Variants in DKK4 observed in about 807,000 individuals in gnomAD.
DKK4 encodes dickkopf-related protein 4.
Under a neutral mutation model 14.5 loss-of-function variants are expected in DKK4, and 15 were observed. The observed-to-expected ratio is 1.03, with a 90% CI of 0.69 to 1.59. DKK4 has a LOEUF of 1.59. DKK4 is among the 40% of genes most tolerant of loss of function. The pLI is 0.00. For missense variants in DKK4, 272 were observed against 280.3 expected (o/e 0.97, Z 0.21); for synonymous variants, 89 against 105.2 (o/e 0.85, Z 0.94).
chr8:42,387,526 G>A, the DKK4 span, among the ~76,000 whole-genome samples: 2,277 of 151,672 alleles, frequency 0.015, 23 homozygotes, highest in Middle Eastern at 0.027. Flanking sequence ...CCCAGCTAAT[G>A]TTTTTGTATT....
chr8:42,381,736 G>A (rs559512433), upstream of DKK4, among the ~76,000 whole-genome samples: 14 of 152,272 alleles, frequency 9.2e-5, no homozygotes, highest in African/African-American at 2.9e-4. Context: ...GGTGGCTCAC[G>A]CCTGTAATCC....
chr8:42,384,741 C>T, the DKK4 span, among the ~76,000 whole-genome samples: 2 of 152,050 alleles, frequency 1.3e-5, no homozygotes, highest in African/African-American at 4.8e-5. Flanking sequence ...AGGCCCACAA[C>T]GAGGGGGCTG....
At chr8:42,381,179 C>T (rs983054407), upstream of DKK4, among the ~76,000 whole-genome samples, 3 of 151,522 alleles carry the variant, frequency 2.0e-5, no homozygotes, top group Admixed American at 6.6e-5. Context: ...CGAGCTGCAT[C>T]ACTGGATGTG....
At chr8:42,382,804 T>A in the DKK4 span, among the ~76,000 whole-genome samples, 1 of 152,146 alleles carries the variant, frequency 6.6e-6, no homozygotes, top group Non-Finnish European at 1.5e-5. Context: ...TTAGAGGAAA[T>A]GAAATTTCTC....
chr8:42,389,456 T>C, the DKK4 span, among the ~76,000 whole-genome samples: 4 of 152,238 alleles, frequency 2.6e-5, no homozygotes. Flanking sequence ...ACATTGACCA[T>C]ATTTGGCCTC....
chr8:42,390,587 T>G, the DKK4 span, among the ~76,000 whole-genome samples: 83 of 151,392 alleles, frequency 5.5e-4, no homozygotes, highest in African/African-American at 1.6e-3. Context: ...ATGGTCTCGA[T>G]CTCCTGACCT....
At chr8:42,388,270 C>T in the DKK4 span, among the ~76,000 whole-genome samples, 2 of 152,068 alleles carry the variant, frequency 1.3e-5, no homozygotes, top group Non-Finnish European at 1.5e-5. Flanking sequence ...CACTCTGTCG[C>T]CCAGGCTAGA....
At chr8:42,387,344 C>CTTTTTTTTT in the DKK4 span, among the ~76,000 whole-genome samples, 6 of 44,908 alleles carry the variant, frequency 1.3e-4, no homozygotes, top group Admixed American at 3.0e-4. Flanking sequence ...GAAGGCCAGT[C>CTTTTTTTTT]TTTTTTTTTT....
rs1824550252 is a variant in DKK4, at chr8:42,375,811, TCAGA to T, written c.127_130del (p.Ser43ThrfsTer43). The T allele has an allele frequency of 6.2e-7, 1 of 1,613,912 alleles. No homozygotes were observed. The highest frequency in any genetic ancestry group is 1.3e-5 in the African/African-American group (1 of 74,898). ...GAACTTTCTGGTATTGCAGTCCGTG[TCAGA>T]CAGGCACTGTGAGCCCTGTGGAGGG... On this transcript the variant is annotated frameshift_variant, in exon 2 of 4. Transcript: ENST00000220812. LOFTEE classifies it high-confidence loss of function.
At chr8:42,380,662 G>A (rs1824658926), upstream of DKK4, among the ~76,000 whole-genome samples, 1 of 139,352 alleles carries the variant, frequency 7.2e-6, no homozygotes, top group Non-Finnish European at 1.5e-5. Flanking sequence ...AAGGAAGGAA[G>A]AAAGGAAGAA....
chr8:42,374,855 T>A lies in DKK4; in HGVS notation c.321A>T (p.Gln107His). The A allele has an allele frequency of 1.2e-6, 2 of 1,614,236 alleles. No homozygotes were observed. The highest frequency in any genetic ancestry group is 2.7e-5 in the African/African-American group (2 of 75,052). ...TTGTTCCTTCTGCATGTGTGCCATCTTGCTCATCAAGCTGCCTTTCTAATA... is the reference window on the plus strand; with the variant it reads ...TTGTTCCTTCTGCATGTGTGCCATCATGCTCATCAAGCTGCCTTTCTAATA... Reference protein sequence around the residue: ...TPILERQLDEQDGTHAEGTTG... With the variant: ...TPILERQLDEHDGTHAEGTTG... The change falls in exon 3 of 4, where the codon CAA (glutamine) becomes CAT (histidine). Residue 107 changes from glutamine to histidine, a missense_variant. By Grantham distance (24) the Gln-to-His change is conservative. Coordinates refer to ENST00000220812, the MANE Select transcript of DKK4 (RefSeq NM_014420.3).
chr8:42,381,876 A>T (rs1824685868), upstream of DKK4, among the ~76,000 whole-genome samples: 1 of 152,198 alleles, frequency 6.6e-6, no homozygotes, highest in Admixed American at 6.5e-5. Context: ...ACACACCTGT[A>T]ATCCCAGTTA....
chr8:42,374,927 A>T lies in DKK4; in HGVS notation c.263-14T>A. On this transcript the variant is annotated splice_polypyrimidine_tract_variant and intron_variant, in intron 2 of 3. Transcript: ENST00000220812. ...TAGTACAAACATCTGAGGGACAACC[A>T]GGTGTAACTAGAATTATTAACTTCA... 1 of 1,614,014 alleles carries T rather than the reference A, an allele frequency of 6.2e-7. No homozygotes were observed. The highest frequency in any genetic ancestry group is 1.7e-5 in the Admixed American group (1 of 60,018).
rs189072394 is a variant in DKK4 at position 42,377,166 on chromosome 8, G to A, written c.-121C>T. 6 of 744,196 alleles carry A rather than the reference G, an allele frequency of 8.1e-6. No individual in the cohort carries two copies. The highest frequency in any genetic ancestry group is 1.3e-5 in the Non-Finnish European group (6 of 459,314). The allele number at this position is 744,196 out of a possible 1,614,324, so 46.1% of individuals were successfully genotyped here. ...CTCAGCACGTCGTCTGTTTGTCACT[G>A]CTTTTTCTGAAAGAAGTAAACCTTA... On this transcript the variant is annotated 5_prime_UTR_variant, in exon 1 of 4. Transcript: ENST00000220812.
chr8:42,375,800 T>C lies in DKK4; in HGVS notation c.142A>G (p.Asn48Asp), dbSNP rs925301479. Residue 48 changes from asparagine to aspartate, a missense_variant, in exon 2 of 4, where the codon AAT (asparagine) becomes GAT (aspartate). By Grantham distance (23) the Asn-to-Asp change is conservative. Coordinates refer to ENST00000220812, the MANE Select transcript of DKK4 (RefSeq NM_014420.3). ...GSQCLSDTDC[N>D]TRKFCLQPRD... Reference sequence around the variant, plus strand: ...GGCTGGAGGCAGAACTTTCTGGTATTGCAGTCCGTGTCAGACAGGCACTGT... The same window carrying C: ...GGCTGGAGGCAGAACTTTCTGGTATCGCAGTCCGTGTCAGACAGGCACTGT... The C allele has an allele frequency of 6.2e-7, 1 of 1,614,116 alleles. No homozygotes were observed. Among genetic ancestry groups the C allele is most frequent in the South Asian group, 1.1e-5 (1 of 91,066 alleles).
At chr8:42,374,399 A>C (rs748615174) in intron 3 of DKK4, 40 bp from the exon 4 acceptor site, 2 of 1,608,106 alleles carry the variant, frequency 1.2e-6, no homozygotes, top group African/African-American at 2.7e-5. Context: ...ATAAATAAGG[A>C]AAGTGGCCTG....
chr8:42,390,386 C>T, the DKK4 span, among the ~76,000 whole-genome samples: 1 of 108,148 alleles, frequency 9.2e-6, no homozygotes, highest in African/African-American at 3.8e-5. Flanking sequence ...TTTTTTGAGA[C>T]GGAGTCTCGC....
At chr8:42,380,911 GAAAGAAAGAA>G (rs908703737), upstream of DKK4, among the ~76,000 whole-genome samples, 15 of 150,558 alleles carry the variant, frequency 1.0e-4, no homozygotes, top group African/African-American at 3.7e-4. Flanking sequence ...GAAAATGAGA[GAAAGAAAGAA>G]AAAGAAAGAA....
the DKK4 span, among the ~76,000 whole-genome samples, chr8:42,384,153 G>C: frequency 6.6e-6 from 1 of 152,090 alleles, no homozygotes; most frequent in Non-Finnish European, 1.5e-5. Context: ...ACCAAACTGG[G>C]TCTCATTCTT....
Sources: gnomAD v4.1 joint callset for allele counts (sites outside exome capture counted in the v4.1 genomes callset) on GRCh38, gnomAD v4.1.1 for gene constraint, MANE v1.5 for transcripts, NCBI Gene and HGNC (gene_info 2026-07-23, HGNC 2026-07-21) for gene names.